The following EPHA5 variants were observed in gnomAD, a reference collection of about 807,000 sequenced individuals.
EPHA5 encodes the protein ephrin type-A receptor 5.
In EPHA5, 60 loss-of-function variants were observed where a neutral mutation model predicts 105.0. That is an observed-to-expected ratio of 0.57 (90% CI 0.46 to 0.71). EPHA5 has a LOEUF of 0.71. Among genes scored for constraint, EPHA5 ranks in the 30% least tolerant of loss-of-function variants. The pLI is 0.00. For synonymous variants in EPHA5, 513 were observed against 449.1 expected (o/e 1.14, Z -1.80); for missense variants, 1,218 against 1,274.7 (o/e 0.96, Z 0.68).
chr4:65,486,593 T>A (rs1730902352), intron 5 of EPHA5, among the ~76,000 whole-genome samples: 2 of 152,346 alleles, frequency 1.3e-5, no homozygotes, highest in South Asian at 4.1e-4. Flanking sequence ...CAAAACTAAA[T>A]TTAAAATCTG....
intron 15 of EPHA5, 110 bp downstream of exon 15, chr4:65,335,822 A>G: frequency 8.9e-7 from 1 of 1,129,044 alleles, no homozygotes; most frequent in Non-Finnish European, 1.2e-6. Flanking sequence ...TTAGTGTCAT[A>G]TAGATTCACA....
intron 3 of EPHA5, among the ~76,000 whole-genome samples, chr4:65,565,689 AT>A (rs1739462864): frequency 1.3e-5 from 2 of 151,652 alleles, no homozygotes; most frequent in South Asian, 4.2e-4. Flanking sequence ...AAAAATAGCC[AT>A]TAAAAAAAAA....
intron 5 of EPHA5, among the ~76,000 whole-genome samples, chr4:65,478,746 G>A (rs1730073245): frequency 6.6e-6 from 1 of 152,102 alleles, no homozygotes. Flanking sequence ...TGCTAGGATT[G>A]TAAGTGTGAG....
At chr4:65,545,550 A>C (rs1052465836) in intron 3 of EPHA5, among the ~76,000 whole-genome samples, 15 of 151,918 alleles carry the variant, frequency 9.9e-5, no homozygotes, top group Non-Finnish European at 2.1e-4. Context: ...CCCTTATAGA[A>C]CTTAACTACT....
intron 2 of EPHA5, among the ~76,000 whole-genome samples, chr4:65,623,732 G>A (rs187087373): frequency 5.0e-3 from 767 of 152,176 alleles, no homozygotes; most frequent in Non-Finnish European, 8.4e-3. Context: ...TTTGCCTCAT[G>A]ACATAATGGT....
chr4:65,426,596 T>C (rs1200942894), intron 5 of EPHA5, among the ~76,000 whole-genome samples: 2 of 152,186 alleles, frequency 1.3e-5, no homozygotes, highest in Non-Finnish European at 2.9e-5. Context: ...TCCTGGAGCA[T>C]AGAATGGCAT....
At position 65,364,993 on chromosome 4, in the gene EPHA5, T is replaced by C. The variant is rs773351648; in HGVS notation, c.2173+24A>G. On this transcript the variant is annotated intron_variant, in intron 11 of 16. Coordinates refer to ENST00000613740, the MANE Select transcript of EPHA5 (RefSeq NM_001281766.3). ...CAGATATTGAGGATATGCACACACA[T>C]GTATAATTTGCCATCATACTTACTT... 4 of 1,595,054 alleles carry C rather than the reference T, an allele frequency of 2.5e-6. No individual in the cohort carries two copies. The South Asian group carries it at 4.4e-5, about 18-fold the overall frequency.
At chr4:65,668,630 T>C (rs1312884237) in intron 1 of EPHA5, among the ~76,000 whole-genome samples, 2 of 151,934 alleles carry the variant, frequency 1.3e-5, no homozygotes, top group East Asian at 3.9e-4. Context: ...CTGAGCACTG[T>C]TCCGGGAGCA....
intron 3 of EPHA5, among the ~76,000 whole-genome samples, chr4:65,498,969 C>A: frequency 7.2e-6 from 1 of 139,218 alleles, no homozygotes; most frequent in Non-Finnish European, 1.6e-5. Context: ...TCATTTCCAA[C>A]ATCAACAGGA....
At chr4:65,570,344 G>A (rs1201978079) in intron 3 of EPHA5, among the ~76,000 whole-genome samples, 1 of 151,666 alleles carries the variant, frequency 6.6e-6, no homozygotes, top group African/African-American at 2.4e-5. Context: ...ACTATTCCAA[G>A]TTAAGAGGTA....
intron 1 of EPHA5, among the ~76,000 whole-genome samples, chr4:65,666,750 T>C (rs145008615): frequency 1.5e-3 from 231 of 152,272 alleles, no homozygotes; most frequent in African/African-American, 5.2e-3. Flanking sequence ...AGGGTAAATT[T>C]TCCTCTTATT....
At chr4:65,495,616 A>G in intron 3 of EPHA5, 73 bp from the exon 4 acceptor site, 1 of 1,330,258 alleles carries the variant, frequency 7.5e-7, no homozygotes, top group East Asian at 2.4e-5. Context: ...TAATGTCATT[A>G]TTTTGACTTG....
intron 5 of EPHA5, among the ~76,000 whole-genome samples, chr4:65,459,156 G>A (rs1272218617): frequency 2.6e-5 from 4 of 152,016 alleles, no homozygotes; most frequent in Admixed American, 6.6e-5. Context: ...TTCAAGGGAT[G>A]TAAGGACCAT....
At chr4:65,664,510 A>G (rs531435627) in intron 1 of EPHA5, among the ~76,000 whole-genome samples, 2 of 152,078 alleles carry the variant, frequency 1.3e-5, no homozygotes, top group East Asian at 1.9e-4. Flanking sequence ...CCATAGGAAT[A>G]TCTGTACCAA....
At chr4:65,486,703 T>C (rs1038619313) in intron 5 of EPHA5, among the ~76,000 whole-genome samples, 1 of 152,244 alleles carries the variant, frequency 6.6e-6, no homozygotes, top group African/African-American at 2.4e-5. Flanking sequence ...TACAAAACAC[T>C]TTCTGCAATT....
At chr4:65,345,573 CAG>C (rs1284975453) in intron 14 of EPHA5, among the ~76,000 whole-genome samples, 2 of 152,198 alleles carry the variant, frequency 1.3e-5, no homozygotes, top group Non-Finnish European at 2.9e-5. Flanking sequence ...GGGGAACAGA[CAG>C]AGAGCGAGAG....
intron 3 of EPHA5, among the ~76,000 whole-genome samples, chr4:65,500,022 TGGG>T (rs1195256283): frequency 6.6e-6 from 1 of 151,286 alleles, no homozygotes; most frequent in Non-Finnish European, 1.5e-5. Flanking sequence ...GTGTATTTCA[TGGG>T]TGGAATAATA....
At chr4:65,530,546 A>G (rs777912319) in intron 3 of EPHA5, among the ~76,000 whole-genome samples, 6 of 152,162 alleles carry the variant, frequency 3.9e-5, no homozygotes, top group Non-Finnish European at 8.8e-5. Flanking sequence ...AATTCAGTGT[A>G]AATTATAGAA....
At chr4:65,409,027 C>T (rs968803591) in intron 7 of EPHA5, among the ~76,000 whole-genome samples, 1 of 147,988 alleles carries the variant, frequency 6.8e-6, no homozygotes, top group Non-Finnish European at 1.5e-5. Context: ...AGGATGAGTT[C>T]ATGTCCTTTT....
Sources: gnomAD v4.1 joint callset for allele counts (sites outside exome capture counted in the v4.1 genomes callset) on GRCh38, gnomAD v4.1.1 for gene constraint, MANE v1.5 for transcripts, NCBI Gene and HGNC (gene_info 2026-07-23, HGNC 2026-07-21) for gene names.